Variants in RTTN observed in about 807,000 individuals in gnomAD.
RTTN encodes the protein rotatin.
Under a neutral mutation model 269.2 loss-of-function variants are expected in RTTN, and 182 were observed. The observed-to-expected ratio is 0.68, with a 90% CI of 0.60 to 0.76. The LOEUF (loss-of-function observed/expected upper bound fraction) is 0.76, where lower values mean the gene tolerates loss of function less well. Among genes scored for constraint, RTTN ranks in the 30% least tolerant of loss-of-function variants. The pLI, the probability that RTTN is intolerant of heterozygous loss-of-function variation, is 0.00. For missense variants in RTTN, 2,545 were observed against 2,608.6 expected (o/e 0.98, Z 0.53); for synonymous variants, 1,006 against 963.5 (o/e 1.04, Z -0.82).
intron 44 of RTTN, 114 bp downstream of exon 44, chr18:70,024,608 A>G (rs563432369): frequency 1.4e-4 from 138 of 976,182 alleles, no homozygotes; most frequent in Non-Finnish European, 2.9e-5. Flanking sequence ...TCATATCCTC[A>G]ATAAATCAGA....
chr18:70,148,810 T>C, intron 17 of RTTN, 91 bp downstream of exon 17: 1 of 1,494,158 alleles, frequency 6.7e-7, no homozygotes, highest in South Asian at 1.2e-5. Context: ...TTAAAAATTC[T>C]TTAGTTTTGT....
Position 70,168,733 on chromosome 18 carries a change from C to A in RTTN, c.1689+122G>T, listed in dbSNP as rs184309012. 3.8e-4 allele frequency: 265 copies of A among 705,200 alleles called. 2 individuals carry two copies. In the Middle Eastern group the frequency reaches 8.2e-3, roughly 22 times the overall value. 43.7% of individuals were successfully genotyped at this position (705,200 alleles called of 1,614,324 possible). On this transcript the variant is annotated intron_variant, in intron 12 of 48. Transcript: ENST00000640769. ...TAACAGGTTATGTATAATTGACCCA[C>A]TCAGGAATAATGTATCCCACCTGTG...
At chr18:70,157,416 C>A (rs961763257) in intron 14 of RTTN, among the ~76,000 whole-genome samples, 1 of 152,150 alleles carries the variant, frequency 6.6e-6, no homozygotes, top group Non-Finnish European at 1.5e-5. Context: ...CAACTTATAC[C>A]ACAGTAAAAT....
At chr18:70,104,049 G>A (rs1182815447) in intron 28 of RTTN, among the ~76,000 whole-genome samples, 1 of 152,102 alleles carries the variant, frequency 6.6e-6, no homozygotes, top group African/African-American at 2.4e-5. Context: ...TGCTAGGTTG[G>A]GGAAGTTCTC....
chr18:70,092,242 A>C, intron 29 of RTTN, 22 bp from the exon 30 acceptor site: 1 of 1,425,350 alleles, frequency 7.0e-7, no homozygotes, highest in South Asian at 1.2e-5. Context: ...AAAGGGAAAC[A>C]GAAATATTTG....
At chr18:70,083,966 G>A (rs888401222) in intron 32 of RTTN, among the ~76,000 whole-genome samples, 2 of 151,086 alleles carry the variant, frequency 1.3e-5, no homozygotes, top group Non-Finnish European at 2.9e-5. Context: ...TCTACTTTCT[G>A]GCATCTAACA....
In RTTN at chr18:70,166,151, C is replaced by T. The variant is rs898805529; in HGVS notation, c.1840G>A (p.Glu614Lys). Residue 614 changes from glutamate to lysine, a missense_variant, in exon 14 of 49, where the codon GAA (glutamate) becomes AAA (lysine). Physicochemically the swap from Glu to Lys is moderately conservative, Grantham distance 56. Coordinates refer to ENST00000640769, the MANE Select transcript of RTTN (RefSeq NM_173630.4). ...ATATGGAGAAGCACCTTCTGACTTT[C>T]TCCTTGTAGTAATGGACTGGCCTGA... ...SAQASPLLQGESQKVLLHMLS... is the reference protein window; with the variant it reads ...SAQASPLLQGKSQKVLLHMLS... The T allele has an allele frequency of 1.9e-6, 3 of 1,613,622 alleles. No homozygotes were observed. Among genetic ancestry groups the T allele is most frequent in the Non-Finnish European group, 1.7e-6 (2 of 1,179,746 alleles).
At chr18:70,194,702 GACAAA>G (rs2061759938) in intron 7 of RTTN, 1 of 152,158 alleles carries the variant, frequency 6.6e-6, no homozygotes, top group Non-Finnish European at 1.5e-5. Flanking sequence ...GACACAAAAG[GACAAA>G]TACTGTATGA....
At chr18:70,059,402 C>T (rs1173645541) in intron 36 of RTTN, among the ~76,000 whole-genome samples, 1 of 152,034 alleles carries the variant, frequency 6.6e-6, no homozygotes, top group Admixed American at 6.6e-5. Flanking sequence ...TATCAGAATA[C>T]TTTTTGATGA....
chr18:70,109,653 T>C lies in RTTN; in HGVS notation c.3748A>G (p.Lys1250Glu). Residue 1250 changes from lysine (K) to glutamate (E), a missense_variant, in exon 28 of 49, where the codon AAA becomes GAA. Physicochemically the swap from Lys to Glu is moderately conservative, Grantham distance 56 (BLOSUM62 1). Coordinates refer to ENST00000640769, the MANE Select transcript of RTTN (RefSeq NM_173630.4). Reference protein sequence around the residue: ...QLALKLLQCLKVTDAPHFYGL... With the variant: ...QLALKLLQCLEVTDAPHFYGL... The stretch of plus-strand genomic sequence containing the variant: ...TAGAAATGAGGCGCATCCGTCACTT[T>C]CAGACACTGGAGCAGTTTCAGAGCC... 1.2e-6 allele frequency: 2 copies of C among 1,614,130 alleles called. No individual in the cohort carries two copies. Among genetic ancestry groups the C allele is most frequent in the Non-Finnish European group, 1.7e-6 (2 of 1,180,024 alleles).
intron 8 of RTTN, among the ~76,000 whole-genome samples, chr18:70,192,071 G>T (rs1479416458): frequency 6.6e-6 from 1 of 152,082 alleles, no homozygotes; most frequent in African/African-American, 2.4e-5. Flanking sequence ...CCTCAATGAG[G>T]ATGATAATAA....
At chr18:70,135,310 A>G (rs2060098975) in intron 21 of RTTN, 30 bp from the exon 22 acceptor site, 1 of 1,237,452 alleles carries the variant, frequency 8.1e-7, no homozygotes, top group Non-Finnish European at 1.1e-6. Flanking sequence ...ACTTTATGAA[A>G]TATTTGTACG....
At chr18:70,004,407 C>G (rs998368778) in intron 48 of RTTN, among the ~76,000 whole-genome samples, 171 bp from the exon 49 acceptor site, 1 of 151,874 alleles carries the variant, frequency 6.6e-6, no homozygotes, top group African/African-American at 2.4e-5. Flanking sequence ...AAAAAATAAA[C>G]AAGTTACAAA....
intron 14 of RTTN, among the ~76,000 whole-genome samples, chr18:70,152,756 C>T (rs2060571515): frequency 6.6e-6 from 1 of 152,142 alleles, no homozygotes; most frequent in African/African-American, 2.4e-5. Flanking sequence ...TCCTTCTCTT[C>T]ATCTCCACTA....
chr18:70,093,708 C>G (rs2058917618), intron 28 of RTTN, among the ~76,000 whole-genome samples: 1 of 152,088 alleles, frequency 6.6e-6, no homozygotes, highest in Non-Finnish European at 1.5e-5. Context: ...GTTTGCCAGT[C>G]TTTTATTGAG....
chr18:70,149,913 A>G lies in RTTN; in HGVS notation c.2172+58T>C. ...AGTTTAGCTGTTTGCATGCATTTAA[A>G]TCAATCACACCCAGCCAAAGATAAA... On this transcript the variant is annotated intron_variant, in intron 16 of 48. Coordinates refer to ENST00000640769, the MANE Select transcript of RTTN (RefSeq NM_173630.4). The G allele has an allele frequency of 2.5e-6, 3 of 1,212,350 alleles. No homozygotes were observed. The African/African-American group carries it at 4.5e-5, about 18-fold the overall frequency. 75.1% of individuals were successfully genotyped at this position (1,212,350 alleles called of 1,614,324 possible). A position where few individuals can be genotyped will look rare whatever the true frequency, so the allele number is the denominator to read the frequency against.
intron 11 of RTTN, among the ~76,000 whole-genome samples, chr18:70,174,237 C>T (rs1198828566): frequency 6.6e-6 from 1 of 150,972 alleles, no homozygotes; most frequent in African/African-American, 2.4e-5. Flanking sequence ...TCTAGTTAAA[C>T]TAACAGTGCA....
chr18:70,141,261 A>G (rs998623902), intron 19 of RTTN, among the ~76,000 whole-genome samples: 3 of 152,182 alleles, frequency 2.0e-5, no homozygotes, highest in African/African-American at 7.2e-5. Context: ...CTTTTTACAT[A>G]AACTCAAAGT....
intron 21 of RTTN, chr18:70,138,289 A>ATAAG (rs989127666): frequency 6.6e-6 from 1 of 152,182 alleles, no homozygotes; most frequent in Non-Finnish European, 1.5e-5. Context: ...CAATAAATAA[A>ATAAG]TAAGTAAGTA....
Sources: gnomAD v4.1 joint callset for allele counts (sites outside exome capture counted in the v4.1 genomes callset) on GRCh38, gnomAD v4.1.1 for gene constraint, MANE v1.5 for transcripts, NCBI Gene and HGNC (gene_info 2026-07-23, HGNC 2026-07-21) for gene names.